KIRREL3: variants seen among roughly 807,000 people sequenced by gnomAD.
KIRREL3 encodes kin of IRRE-like protein 3.
A neutral mutation model predicts 89.7 loss-of-function variants in KIRREL3; 36 were observed. The observed-to-expected ratio is 0.40, with a 90% CI of 0.31 to 0.53. The LOEUF is 0.53. KIRREL3 is among the 20% of genes least tolerant of loss of function. The probability of loss-of-function intolerance (pLI) is 0.49; values close to 1 mark genes in which losing one functional copy is unlikely to be tolerated. For missense variants in KIRREL3, 864 were observed against 1,056.6 expected (o/e 0.82, Z 2.53); for synonymous variants, 445 against 441.4 (o/e 1.01, Z -0.10).
chr11:126,552,030 G>A (rs780916611), intron 2 of KIRREL3, among the ~76,000 whole-genome samples: 7 of 152,208 alleles, frequency 4.6e-5, no homozygotes, highest in Non-Finnish European at 1.0e-4. Context: ...CAGGCATCTG[G>A]GGATACCAAG....
intron 1 of KIRREL3, among the ~76,000 whole-genome samples, chr11:126,928,389 C>A (rs989718593): frequency 6.6e-6 from 1 of 152,250 alleles, no homozygotes; most frequent in Admixed American, 6.5e-5. Flanking sequence ...ATCCTTCCTA[C>A]TTCATCCTTT....
At chr11:126,577,159 C>T (rs552720858) in intron 1 of KIRREL3, among the ~76,000 whole-genome samples, 67 of 152,236 alleles carry the variant, frequency 4.4e-4, no homozygotes, top group African/African-American at 1.5e-3. Context: ...CGTTTCCTAT[C>T]GACCCGGTGT....
chr11:126,457,378 T>C (rs1230537692), intron 6 of KIRREL3, among the ~76,000 whole-genome samples: 2 of 151,652 alleles, frequency 1.3e-5, no homozygotes, highest in African/African-American at 2.4e-5. Flanking sequence ...TGCGTGTATG[T>C]GTGTATGCGT....
In KIRREL3 at chr11:126,459,353, C is replaced by T. The variant is rs758436473; in HGVS notation, c.743-2899G>A. Among the ~76,000 whole-genome samples the T allele has an allele frequency of 4.1e-4, 62 of 152,290 alleles. No homozygotes were observed. The highest frequency in any genetic ancestry group is 3.4e-3 in the Middle Eastern group (1 of 294). On this transcript the variant is annotated intron_variant, in intron 6 of 16. Coordinates refer to ENST00000525144, the MANE Select transcript of KIRREL3 (RefSeq NM_032531.4). This position sits in a 1 kb window ranked among gnomAD's most constrained non-coding sequence, Gnocchi z 4.8. ...ACGCCCCTGCCATGATCAGCTCACT[C>T]GTAAGGCTGCTCTCCTGCACTTTCC... is the stretch of plus-strand genomic sequence containing the variant.
rs577908230 is a variant in KIRREL3, at chr11:126,459,247, T to G, written c.743-2793A>C. ...GGCCCTTCCCTCACCTGGGGGTCTT[T>G]TCTAAAGTGATGAGGTCTGAGAGGC... On this transcript the variant is annotated intron_variant, in intron 6 of 16. Transcript: ENST00000525144. The surrounding 1 kb of genome is among the most constrained non-coding windows in gnomAD (Gnocchi z 4.8). Among the ~76,000 whole-genome samples the G allele has an allele frequency of 6.6e-6, 1 of 152,138 alleles. No homozygotes were observed. Among genetic ancestry groups the G allele is most frequent in the Admixed American group, 6.5e-5 (1 of 15,282 alleles).
intron 13 of KIRREL3, among the ~76,000 whole-genome samples, chr11:126,434,122 C>T (rs962713690): frequency 2.6e-5 from 4 of 152,248 alleles, no homozygotes; most frequent in African/African-American, 9.6e-5. Flanking sequence ...CCTTGCCTGG[C>T]TTCCTGAGGT....
chr11:126,431,210 T>G lies in KIRREL3; in HGVS notation c.1696+209A>C. The G allele has an allele frequency of 6.7e-7, 1 of 1,493,826 alleles. No homozygotes were observed. Among genetic ancestry groups the G allele is most frequent in the Non-Finnish European group, 9.0e-7 (1 of 1,117,132 alleles). The allele number at this position is 1,493,826 out of a possible 1,614,324, so 92.5% of individuals were successfully genotyped here. ...CAGATGAAGTTCAGTCTAGTCCAGGTCAACCTCAGCCTAGCGCCCACTCTG... is the reference window on the plus strand; with the variant it reads ...CAGATGAAGTTCAGTCTAGTCCAGGGCAACCTCAGCCTAGCGCCCACTCTG... On this transcript the variant is annotated intron_variant, in intron 14 of 16. Transcript: ENST00000525144. This position sits in a 1 kb window ranked among gnomAD's most constrained non-coding sequence, Gnocchi z 7.1.
At chr11:126,464,999 G>A (rs868036110) in intron 5 of KIRREL3, among the ~76,000 whole-genome samples, 1 of 152,098 alleles carries the variant, frequency 6.6e-6, no homozygotes, top group Non-Finnish European at 1.5e-5. Flanking sequence ...TCCCTCTCCT[G>A]TTCCTCTTTG....
chr11:126,850,758 A>G (rs920892294), intron 1 of KIRREL3, among the ~76,000 whole-genome samples: 11 of 152,314 alleles, frequency 7.2e-5, no homozygotes, highest in African/African-American at 2.6e-4. Context: ...CAGACTTGGG[A>G]GCCTCATCTA....
chr11:126,483,382 G>T (rs114681268), intron 4 of KIRREL3, among the ~76,000 whole-genome samples: 3,243 of 152,218 alleles, frequency 0.021, 121 homozygotes, highest in African/African-American at 0.07. Flanking sequence ...TTAATCTATC[G>T]TTTGTTACAC....
chr11:126,515,287 C>A lies in KIRREL3; in HGVS notation c.433+6028G>T, dbSNP rs78334466. 1.4e-5 allele frequency among the ~76,000 whole-genome samples: 2 copies of A among 139,396 alleles called. No homozygotes were observed. The highest frequency in any genetic ancestry group is 3.0e-5 in the Non-Finnish European group (2 of 66,104). The allele number at this position is 139,396 out of a possible 152,430, so 91.4% of individuals were successfully genotyped here. Reference sequence around the variant, plus strand: ...AACAAAACAGAACAAAACAAAAAAACAAACAAACAAAAATTAGCTGGGTGA... The same window carrying A: ...AACAAAACAGAACAAAACAAAAAAAAAAACAAACAAAAATTAGCTGGGTGA... On this transcript the variant is annotated intron_variant, in intron 4 of 16. Coordinates refer to ENST00000525144, the MANE Select transcript of KIRREL3 (RefSeq NM_032531.4). The surrounding 1 kb of genome is among the most constrained non-coding windows in gnomAD (Gnocchi z 4.2).
Position 126,490,452 on chromosome 11 carries a change from C to T in KIRREL3, c.434-16986G>A, listed in dbSNP as rs532977967. 2.6e-5 allele frequency among the ~76,000 whole-genome samples: 4 copies of T among 152,104 alleles called. No homozygotes were observed. The highest frequency in any genetic ancestry group is 4.8e-5 in the African/African-American group (2 of 41,492). On this transcript the variant is annotated intron_variant, in intron 4 of 16. Coordinates refer to ENST00000525144, the MANE Select transcript of KIRREL3 (RefSeq NM_032531.4). The surrounding 1 kb of genome is among the most constrained non-coding windows in gnomAD (Gnocchi z 4.2). ...GGGTGCTCAGAAAAGACCATGTAGG[C>T]CTGTGTTCCACGGGTGCTCAGAAAT...
In KIRREL3 at chr11:126,830,123, C is replaced by T. The variant is rs961442561; in HGVS notation, c.55+170332G>A. 2.0e-5 allele frequency among the ~76,000 whole-genome samples: 3 copies of T among 152,174 alleles called. No homozygotes were observed. Among genetic ancestry groups the T allele is most frequent in the African/African-American group, 7.2e-5 (3 of 41,440 alleles). Reference sequence around the variant, plus strand: ...AAAAGAAAAAAAACCCATCCCCTTACTGCTGGAAATCACATCGCTGGCTTA... The same window carrying T: ...AAAAGAAAAAAAACCCATCCCCTTATTGCTGGAAATCACATCGCTGGCTTA... On this transcript the variant is annotated intron_variant, in intron 1 of 16. Coordinates refer to ENST00000525144, the MANE Select transcript of KIRREL3 (RefSeq NM_032531.4). The surrounding 1 kb of genome is among the most constrained non-coding windows in gnomAD (Gnocchi z 4.9).
chr11:126,854,384 T>TC (rs1376448995), intron 1 of KIRREL3, among the ~76,000 whole-genome samples: 3 of 152,102 alleles, frequency 2.0e-5, no homozygotes, highest in Non-Finnish European at 4.4e-5. Flanking sequence ...TAACTCCTCA[T>TC]CCCCATTACC....
chr11:126,993,437 C>T lies in KIRREL3; in HGVS notation c.55+7018G>A, dbSNP rs994964838. 3.3e-5 allele frequency among the ~76,000 whole-genome samples: 5 copies of T among 152,204 alleles called. No homozygotes were observed. The highest frequency in any genetic ancestry group is 4.1e-4 in the South Asian group (2 of 4,830). On this transcript the variant is annotated intron_variant, in intron 1 of 16. Coordinates refer to ENST00000525144, the MANE Select transcript of KIRREL3 (RefSeq NM_032531.4). The surrounding 1 kb of genome is among the most constrained non-coding windows in gnomAD (Gnocchi z 6.1). ...AGACTGGAAATCGCTTTTCATGCTT[C>T]GTTTAGAGAACTCTTGAGCATCCTA...
intron 4 of KIRREL3, among the ~76,000 whole-genome samples, chr11:126,481,470 G>C (rs1957217091): frequency 6.6e-6 from 1 of 152,138 alleles, no homozygotes; most frequent in Non-Finnish European, 1.5e-5. Flanking sequence ...AACTGTCCAC[G>C]GGCCTTCGAA....
Position 126,867,096 on chromosome 11 carries a change from A to C in KIRREL3, c.55+133359T>G, listed in dbSNP as rs947267691. The stretch of plus-strand genomic sequence containing the variant: ...TGTAACACACGCCCACTGGGGCTTC[A>C]GGAGCTGTAAACACTCAACCCTACA... On this transcript the variant is annotated intron_variant, in intron 1 of 16. Coordinates refer to ENST00000525144, the MANE Select transcript of KIRREL3 (RefSeq NM_032531.4). The surrounding 1 kb of genome is among the most constrained non-coding windows in gnomAD (Gnocchi z 4.7). Among the ~76,000 whole-genome samples, 1 of 152,214 alleles carries C rather than the reference A, an allele frequency of 6.6e-6. No homozygotes were observed. Among genetic ancestry groups the C allele is most frequent in the African/African-American group, 2.4e-5 (1 of 41,470 alleles).
intron 1 of KIRREL3, among the ~76,000 whole-genome samples, chr11:126,851,257 T>C (rs7104792): frequency 0.85 from 129,128 of 152,174 alleles, 54,994 homozygotes; most frequent in East Asian, 1. Flanking sequence ...GTCACTTCAC[T>C]TAGATGATGT....
At chr11:126,760,614 G>A (rs1036398701) in intron 1 of KIRREL3, among the ~76,000 whole-genome samples, 1 of 152,204 alleles carries the variant, frequency 6.6e-6, no homozygotes, top group South Asian at 2.1e-4. Context: ...AGCAGGACAT[G>A]GGTAAGTGGG....
Sources: gnomAD v4.1 joint callset for allele counts (sites outside exome capture counted in the v4.1 genomes callset) on GRCh38, gnomAD v4.1.1 for gene constraint, Gnocchi (gnomAD v3.1) non-coding constraint, MANE v1.5 for transcripts, NCBI Gene and HGNC (gene_info 2026-07-23, HGNC 2026-07-21) for gene names.